CAT: variants seen among roughly 807,000 people sequenced by gnomAD.
The protein encoded by CAT is catalase, also known as epididymis secretory sperm binding protein.
CAT carries 43 observed loss-of-function variants against 59.0 expected under a neutral mutation model. The observed-to-expected ratio is 0.73, with a 90% CI of 0.57 to 0.94. CAT has a LOEUF of 0.94. CAT is among the 40% of genes least tolerant of loss of function. The pLI, the probability that CAT is intolerant of heterozygous loss-of-function variation, is 0.00. For missense variants in CAT, 664 were observed against 682.9 expected, an observed-to-expected ratio of 0.97 and a Z score of 0.31; for synonymous variants, 218 against 230.9, an observed-to-expected ratio of 0.94 and a Z score of 0.51.
Position 34,471,841 on chromosome 11 carries a change from T to A in CAT, c.*408T>A, listed in dbSNP as rs1214668753. On this transcript the variant is annotated 3_prime_UTR_variant, in exon 13 of 13. Transcript: ENST00000241052. The stretch of plus-strand genomic sequence containing the variant: ...TAAAGATGATCTACTCAGAAATTTT[T>A]ATTTTTCTAAGGTTCTCATAGGAAA... 3 of 199,728 alleles carry A rather than the reference T, an allele frequency of 1.5e-5. No individual in the cohort carries two copies. The highest frequency in any genetic ancestry group is 3.1e-5 in the Non-Finnish European group (3 of 95,656). The allele number at this position is 199,728 out of a possible 1,614,324, so 12.4% of individuals were successfully genotyped here.
At chr11:34,441,321 C>T (rs1015119142) in intron 1 of CAT, among the ~76,000 whole-genome samples, 6 of 151,912 alleles carry the variant, frequency 3.9e-5, no homozygotes, top group Non-Finnish European at 8.8e-5. Flanking sequence ...AACATTTTGC[C>T]CTGTGTCTTT....
chr11:34,448,764 T>C (rs1193890136), intron 1 of CAT, among the ~76,000 whole-genome samples: 2 of 151,908 alleles, frequency 1.3e-5, no homozygotes, highest in East Asian at 3.9e-4. Flanking sequence ...TAATAAAGCG[T>C]TTGTAAGTTC....
At chr11:34,470,727 A>G (rs1671394400) in intron 11 of CAT, 3 of 567,378 alleles carry the variant, frequency 5.3e-6, no homozygotes, top group South Asian at 3.8e-5. Context: ...GAGGGACATA[A>G]GCTCAGTAAG....
chr11:34,468,522 AAT>A, intron 11 of CAT, 127 bp downstream of exon 11: 1 of 701,788 alleles, frequency 1.4e-6, no homozygotes, highest in Non-Finnish European at 2.5e-6. Flanking sequence ...AAAAAAAAAA[AAT>A]AAACTAGTAA....
At chr11:34,443,885 G>T (rs1031222165) in intron 1 of CAT, among the ~76,000 whole-genome samples, 1 of 152,090 alleles carries the variant, frequency 6.6e-6, no homozygotes, top group African/African-American at 2.4e-5. Context: ...TTAACCCTTG[G>T]TCCACATGTG....
At position 34,452,112 on chromosome 11, in the gene CAT, C is replaced by T. The variant is rs756388518; in HGVS notation, c.385C>T (p.Pro129Ser). The T allele has an allele frequency of 2.5e-6, 4 of 1,613,648 alleles. No individual in the cohort carries two copies. In the South Asian group the frequency reaches 3.3e-5, roughly 13 times the overall value. The change falls in exon 4 of 13, where the codon CCT becomes TCT. Residue 129 changes from proline (P) to serine (S), a missense_variant. By Grantham distance (74) the Pro-to-Ser change is moderately conservative. Transcript: ENST00000241052. ...ESGSADTVRD[P>S]RGFAVKFYTE... The stretch of plus-strand genomic sequence containing the variant: ...GGGTTCAGCTGACACAGTTCGGGAC[C>T]CTCGTGGGTTTGCAGTGAAATTTTA...
In CAT at chr11:34,461,318, T is replaced by A. The variant is rs769773156; in HGVS notation, c.1124T>A (p.Val375Glu). The change falls in exon 9 of 13, where the codon GTG (valine) becomes GAG (glutamate). Residue 375 changes from valine (V) to glutamate (E), a missense_variant. Val to Glu is a moderately radical substitution (Grantham distance 121). Transcript: ENST00000241052. ...GGACCCAATTATCTTCATATACCTG[T>A]GAACTGTCCCTACCGTGCTCGAGTG... is the stretch of plus-strand genomic sequence containing the variant. ...RLGPNYLHIP[V>E]NCPYRARVAN... 4.3e-6 allele frequency: 7 copies of A among 1,614,216 alleles called. No homozygotes were observed. Among genetic ancestry groups the A allele is most frequent in the Non-Finnish European group, 5.9e-6 (7 of 1,180,024 alleles).
At chr11:34,449,031 T>C (rs1227995837) in intron 1 of CAT, among the ~76,000 whole-genome samples, 161 bp from the exon 2 acceptor site, 2 of 152,220 alleles carry the variant, frequency 1.3e-5, no homozygotes, top group Non-Finnish European at 2.9e-5. Flanking sequence ...ACTAAAAGTT[T>C]CAGGCAATGG....
At chr11:34,447,032 C>T (rs1441518178) in intron 1 of CAT, among the ~76,000 whole-genome samples, 1 of 152,174 alleles carries the variant, frequency 6.6e-6, no homozygotes, top group East Asian at 1.9e-4. Context: ...GTGTGAGCCA[C>T]CGCGCCCAGC....
intron 10 of CAT, 121 bp downstream of exon 10, chr11:34,464,356 A>C: frequency 9.6e-7 from 1 of 1,041,254 alleles, no homozygotes; most frequent in Non-Finnish European, 1.5e-6. Context: ...GAATTCAAGG[A>C]AGACTCATCT....
At chr11:34,453,968 G>A (rs183360403) in intron 6 of CAT, 42 bp downstream of exon 6, 30 of 1,601,164 alleles carry the variant, frequency 1.9e-5, no homozygotes, top group Middle Eastern at 1.7e-4. Context: ...GGCTCCTACC[G>A]CATACCTCCT....
At position 34,452,062 on chromosome 11, in the gene CAT, A is replaced by G. The variant is rs1449848114; in HGVS notation, c.350-15A>G. The G allele has an allele frequency of 6.2e-7, 1 of 1,613,816 alleles. No homozygotes were observed. Among genetic ancestry groups the G allele is most frequent in the Non-Finnish European group, 8.5e-7 (1 of 1,179,814 alleles). On this transcript the variant is annotated splice_polypyrimidine_tract_variant and intron_variant, in intron 3 of 12. Transcript: ENST00000241052. ...GCTGTGGCTTATGCTTCCTGTTTCC[A>G]TTTGAATATTGTAGCTGGAGAATCG...
At chr11:34,465,359 A>T (rs1205078790) in intron 10 of CAT, among the ~76,000 whole-genome samples, 1 of 152,194 alleles carries the variant, frequency 6.6e-6, no homozygotes, top group Non-Finnish European at 1.5e-5. Flanking sequence ...AAGAAATTAC[A>T]TTATTGTGGG....
chr11:34,455,986 G>A, intron 6 of CAT, 25 bp from the exon 7 acceptor site: 2 of 1,605,554 alleles, frequency 1.2e-6, no homozygotes, highest in Non-Finnish European at 1.7e-6. Flanking sequence ...AGTTTCCATT[G>A]GAGCTTCTTT....
At chr11:34,459,958 G>C (rs925401532) in intron 8 of CAT, among the ~76,000 whole-genome samples, 1 of 152,190 alleles carries the variant, frequency 6.6e-6, no homozygotes, top group African/African-American at 2.4e-5. Context: ...ATAAGAGGGA[G>C]TCATTCAGCC....
intron 8 of CAT, among the ~76,000 whole-genome samples, chr11:34,457,945 C>T (rs1856610267): frequency 6.6e-6 from 1 of 152,214 alleles, no homozygotes; most frequent in Non-Finnish European, 1.5e-5. Flanking sequence ...CATTGGGGAA[C>T]ATCTGAGGCT....
chr11:34,468,133 A>C (rs548515313), intron 10 of CAT, among the ~76,000 whole-genome samples, 155 bp from the exon 11 acceptor site: 4 of 152,244 alleles, frequency 2.6e-5, no homozygotes, highest in Non-Finnish European at 5.9e-5. Context: ...GCTTAAAACA[A>C]AAAGTGAAGG....
At chr11:34,440,142 T>A (rs989197417) in intron 1 of CAT, among the ~76,000 whole-genome samples, 1 of 152,188 alleles carries the variant, frequency 6.6e-6, no homozygotes, top group African/African-American at 2.4e-5. Flanking sequence ...TGCAGCCCTG[T>A]TTTCCCTATT....
intron 1 of CAT, among the ~76,000 whole-genome samples, chr11:34,448,047 G>T (rs577116173): frequency 3.0e-4 from 45 of 152,212 alleles, no homozygotes; most frequent in African/African-American, 1.1e-3. Context: ...CAAATTGCAC[G>T]GTCTCCTTTA....
Sources: allele counts gnomAD v4.1 joint callset (sites outside exome capture counted in the v4.1 genomes callset), GRCh38; gene constraint gnomAD v4.1.1; transcripts MANE v1.5; gene names NCBI Gene and HGNC (gene_info 2026-07-23, HGNC 2026-07-21).